KIRREL3: variants seen among roughly 807,000 people sequenced by gnomAD.
KIRREL3 encodes the protein kirre like nephrin family adhesion molecule 3, also known as kin of IRRE-like protein 3.
Under a neutral mutation model 89.7 loss-of-function variants are expected in KIRREL3, and 36 were observed. The ratio of observed to expected loss-of-function variants is 0.40; its 90% CI spans 0.31 to 0.53. KIRREL3 has a LOEUF of 0.53. Among genes scored for constraint, KIRREL3 ranks in the 20% least tolerant of loss-of-function variants. The probability of loss-of-function intolerance (pLI) is 0.49; values close to 1 mark genes in which losing one functional copy is unlikely to be tolerated. For synonymous variants in KIRREL3, 445 were observed against 441.4 expected (o/e 1.01, Z -0.10); for missense variants, 864 against 1,056.6 (o/e 0.82, Z 2.53).
chr11:126,640,465 C>G lies in KIRREL3; in HGVS notation c.56-77553G>C, dbSNP rs533705696. Among the ~76,000 whole-genome samples, 284 of 152,334 alleles carry G rather than the reference C, an allele frequency of 1.9e-3. 2 individuals carry two copies. Among genetic ancestry groups the G allele is most frequent in the African/African-American group, 6.5e-3 (270 of 41,588 alleles). ...TTAGCAACATCAAAAGCATTCCAAT[C>G]TGTTCCCTGCATACATTACATGCAT... On this transcript the variant is annotated intron_variant, in intron 1 of 16. Transcript: ENST00000525144. This position sits in a 1 kb window ranked among gnomAD's most constrained non-coding sequence, Gnocchi z 4.9.
chr11:126,881,866 CG>C (rs113311176), intron 1 of KIRREL3, among the ~76,000 whole-genome samples: 6 of 152,062 alleles, frequency 3.9e-5, no homozygotes, highest in African/African-American at 1.4e-4. Flanking sequence ...TTTAAAAAAC[CG>C]AAACAACAGG....
chr11:126,583,347 G>A (rs1014828639), intron 1 of KIRREL3, among the ~76,000 whole-genome samples: 1 of 152,170 alleles, frequency 6.6e-6, no homozygotes, highest in Non-Finnish European at 1.5e-5. Flanking sequence ...GAAATCTCCA[G>A]TTCTGCCAAA....
chr11:126,452,830 G>T (rs555811648), intron 7 of KIRREL3, among the ~76,000 whole-genome samples: 5 of 152,128 alleles, frequency 3.3e-5, no homozygotes, highest in Non-Finnish European at 7.4e-5. Context: ...GACAGAGCCC[G>T]CAGCTCACAT....
intron 4 of KIRREL3, among the ~76,000 whole-genome samples, chr11:126,504,242 C>A (rs928123219): frequency 2.0e-5 from 3 of 152,318 alleles, no homozygotes; most frequent in Non-Finnish European, 4.4e-5. Flanking sequence ...AGTCCCTCAT[C>A]TCTTCTCTGT....
Position 126,438,441 on chromosome 11 carries a change from G to A in KIRREL3, c.1354-1432C>T, listed in dbSNP as rs142768583. ...TGGACTGACCCATTCCTGGCCGTGG[G>A]GCTCTCCCAGGCATTGCAGGATGTC... On this transcript the variant is annotated intron_variant, in intron 11 of 16. Coordinates refer to ENST00000525144, the MANE Select transcript of KIRREL3 (RefSeq NM_032531.4). Among the ~76,000 whole-genome samples, 8 of 152,266 alleles carry A rather than the reference G, an allele frequency of 5.3e-5. No homozygotes were observed. The East Asian group carries it at 1.5e-3, about 29-fold the overall frequency.
chr11:126,942,396 A>G (rs1340449379), intron 1 of KIRREL3, among the ~76,000 whole-genome samples: 1 of 152,136 alleles, frequency 6.6e-6, no homozygotes, highest in African/African-American at 2.4e-5. Flanking sequence ...CCCAATTCAT[A>G]CTGCCCACTG....
intron 1 of KIRREL3, among the ~76,000 whole-genome samples, chr11:126,822,114 T>G (rs1044308003): frequency 6.6e-6 from 1 of 152,192 alleles, no homozygotes; most frequent in African/African-American, 2.4e-5. Flanking sequence ...TCTGTAACCT[T>G]GGGCAAGCCC....
In KIRREL3 at chr11:126,635,173, G is replaced by T. The variant is rs892552509; in HGVS notation, c.56-72261C>A. On this transcript the variant is annotated intron_variant, in intron 1 of 16. Transcript: ENST00000525144. This position sits in a 1 kb window ranked among gnomAD's most constrained non-coding sequence, Gnocchi z 4.0. ...AAGGGTCTGCAGTGAGGCAGGGCTG[G>T]ACAGCTCCACCTCTAGGCAGGCACA... Among the ~76,000 whole-genome samples the T allele has an allele frequency of 2.0e-5, 3 of 152,214 alleles. No homozygotes were observed. Among genetic ancestry groups the T allele is most frequent in the Non-Finnish European group, 4.4e-5 (3 of 68,038 alleles).
chr11:126,923,222 CTTCT>C lies in KIRREL3; in HGVS notation c.55+77229_55+77232del, dbSNP rs1947500111. ...TCTTCTTCTTCTTCTTCTTCTTCTTCTTCTTCTTCTTCTTCTTCTTCTTCTTCTT... is the reference window on the plus strand; with the variant it reads ...TCTTCTTCTTCTTCTTCTTCTTCTTCTCTTCTTCTTCTTCTTCTTCTTCTT... On this transcript the variant is annotated intron_variant, in intron 1 of 16. Transcript: ENST00000525144. 2.4e-4 allele frequency among the ~76,000 whole-genome samples: 8 copies of C among 33,402 alleles called. 2 individuals carry two copies. Among genetic ancestry groups the C allele is most frequent in the South Asian group, 3.0e-3 (2 of 662 alleles). 21.9% of individuals were successfully genotyped at this position (33,402 alleles called of 152,430 possible).
intron 1 of KIRREL3, among the ~76,000 whole-genome samples, chr11:126,714,064 G>T (rs1434852002): frequency 6.6e-6 from 1 of 152,148 alleles, no homozygotes; most frequent in Non-Finnish European, 1.5e-5. Context: ...CCAGGGCTGG[G>T]GAGGGGAAAG....
Position 126,578,660 on chromosome 11 carries a change from G to C in KIRREL3, c.56-15748C>G, listed in dbSNP as rs917304514. ...GTCCTGGGGGAGGGACTCAGAATCC[G>C]CCTCACACCCATGGAGAGTTCTCGC... On this transcript the variant is annotated intron_variant, in intron 1 of 16. Coordinates refer to ENST00000525144, the MANE Select transcript of KIRREL3 (RefSeq NM_032531.4). The surrounding 1 kb of genome is among the most constrained non-coding windows in gnomAD (Gnocchi z 4.9). Among the ~76,000 whole-genome samples the C allele has an allele frequency of 6.6e-6, 1 of 152,056 alleles. No homozygotes were observed. The highest frequency in any genetic ancestry group is 3.2e-3 in the Middle Eastern group (1 of 314).
At chr11:126,786,885 G>A (rs1366782807) in intron 1 of KIRREL3, among the ~76,000 whole-genome samples, 1 of 152,194 alleles carries the variant, frequency 6.6e-6, no homozygotes, top group Non-Finnish European at 1.5e-5. Context: ...GGTTGAGATG[G>A]AGAGTCTGCA....
At chr11:126,792,276 A>G (rs1264598202) in intron 1 of KIRREL3, among the ~76,000 whole-genome samples, 2 of 152,250 alleles carry the variant, frequency 1.3e-5, no homozygotes, top group Non-Finnish European at 2.9e-5. Flanking sequence ...TGTAAACACA[A>G]GATGAAATCA....
At position 126,429,552 on chromosome 11, in the gene KIRREL3, C is replaced by T. The variant is rs778692646; in HGVS notation, c.1697-264G>A. 6.6e-6 allele frequency among the ~76,000 whole-genome samples: 1 copy of T among 152,200 alleles called. No individual in the cohort carries two copies. The highest frequency in any genetic ancestry group is 1.5e-5 in the Non-Finnish European group (1 of 68,046). Reference sequence around the variant, plus strand: ...GCCATGCACCCTTGGCTTGAAAGATCGTCTTCAGCCACTTGTCCGCCTTAC... The same window carrying T: ...GCCATGCACCCTTGGCTTGAAAGATTGTCTTCAGCCACTTGTCCGCCTTAC... On this transcript the variant is annotated intron_variant, in intron 14 of 16. Coordinates refer to ENST00000525144, the MANE Select transcript of KIRREL3 (RefSeq NM_032531.4). This position sits in a 1 kb window ranked among gnomAD's most constrained non-coding sequence, Gnocchi z 5.2.
chr11:126,957,725 GA>G (rs1159286059), intron 1 of KIRREL3, among the ~76,000 whole-genome samples: 1 of 152,194 alleles, frequency 6.6e-6, no homozygotes, highest in East Asian at 1.9e-4. Context: ...GGACAGGAGA[GA>G]GCTCTAAGGT....
At chr11:126,626,349 A>AT (rs1943782488) in intron 1 of KIRREL3, among the ~76,000 whole-genome samples, 2 of 152,248 alleles carry the variant, frequency 1.3e-5, no homozygotes, top group South Asian at 4.1e-4. Context: ...ATTCTAATGA[A>AT]GAACCAGCAC....
At chr11:126,675,687 G>A (rs1271471646) in intron 1 of KIRREL3, among the ~76,000 whole-genome samples, 2 of 152,174 alleles carry the variant, frequency 1.3e-5, no homozygotes, top group Non-Finnish European at 2.9e-5. Flanking sequence ...AACCATGGTG[G>A]AAGTAGGGAG....
Position 126,666,961 on chromosome 11 carries a change from G to A in KIRREL3, c.56-104049C>T, listed in dbSNP as rs1937368465. Among the ~76,000 whole-genome samples the A allele has an allele frequency of 6.6e-6, 1 of 152,222 alleles. No homozygotes were observed. The highest frequency in any genetic ancestry group is 2.4e-5 in the African/African-American group (1 of 41,456). On this transcript the variant is annotated intron_variant, in intron 1 of 16. Transcript: ENST00000525144. This position sits in a 1 kb window ranked among gnomAD's most constrained non-coding sequence, Gnocchi z 4.2. Reference sequence around the variant, plus strand: ...GTCCTACAAGATTCAGATCCCTGATGTGGAGCCAAGGAAAGGCTTGAGTGA... The same window carrying A: ...GTCCTACAAGATTCAGATCCCTGATATGGAGCCAAGGAAAGGCTTGAGTGA...
intron 1 of KIRREL3, among the ~76,000 whole-genome samples, chr11:126,648,557 A>G (rs1484092360): frequency 6.6e-6 from 1 of 152,158 alleles, no homozygotes; most frequent in Non-Finnish European, 1.5e-5. Context: ...TCCATCTGAC[A>G]TGATTCATCT....
Sources: gnomAD v4.1 joint callset for allele counts (sites outside exome capture counted in the v4.1 genomes callset) on GRCh38, gnomAD v4.1.1 for gene constraint, Gnocchi (gnomAD v3.1) non-coding constraint, MANE v1.5 for transcripts, NCBI Gene and HGNC (gene_info 2026-07-23, HGNC 2026-07-21) for gene names.